SPATA6: variants seen among roughly 807,000 people sequenced by gnomAD.
SPATA6 encodes spermatogenesis-associated protein 6.
Under a neutral mutation model 65.3 loss-of-function variants are expected in SPATA6, and 56 were observed. The observed-to-expected ratio is 0.86, with a 90% confidence interval of 0.69 to 1.07. SPATA6 has a LOEUF of 1.07. SPATA6 is among the 50% of genes least tolerant of loss of function. The pLI is 0.00. For missense variants in SPATA6, 590 were observed against 594.8 expected, an observed-to-expected ratio of 0.99 and a Z score of 0.08; for synonymous variants, 199 against 213.2, an observed-to-expected ratio of 0.93 and a Z score of 0.58.
chr1:48,450,995 T>C (rs1553174696), intron 3 of SPATA6, among the ~76,000 whole-genome samples: 3 of 152,216 alleles, frequency 2.0e-5, no homozygotes, highest in Non-Finnish European at 2.9e-5. Flanking sequence ...CACTTTTGCA[T>C]TGCTGCTCTC....
intron 11 of SPATA6, chr1:48,325,551 G>T (rs1377951031): frequency 8.6e-7 from 1 of 1,168,334 alleles, no homozygotes; most frequent in Non-Finnish European, 1.3e-6. Context: ...CTTCCTCTTT[G>T]GTCTTGGAAT....
intron 8 of SPATA6, among the ~76,000 whole-genome samples, chr1:48,389,986 C>A (rs1445602306): frequency 6.6e-6 from 1 of 152,018 alleles, no homozygotes; most frequent in Non-Finnish European, 1.5e-5. Flanking sequence ...CAGAAAATAA[C>A]AATATGGCAG....
chr1:48,289,429 CAG>C, the SPATA6 span, among the ~76,000 whole-genome samples: 5 of 152,308 alleles, frequency 3.3e-5, no homozygotes, highest in East Asian at 3.9e-4. Flanking sequence ...TTCTAAAACT[CAG>C]AGAGTCTCTT....
intron 3 of SPATA6, among the ~76,000 whole-genome samples, chr1:48,425,427 A>G (rs1653744727): frequency 6.6e-6 from 1 of 152,192 alleles, no homozygotes; most frequent in South Asian, 2.1e-4. Flanking sequence ...GGTTATATAC[A>G]AATGTCAATA....
the SPATA6 span, among the ~76,000 whole-genome samples, chr1:48,289,012 CAG>C: frequency 6.6e-6 from 1 of 152,220 alleles, no homozygotes; most frequent in African/African-American, 2.4e-5. Flanking sequence ...TCTCCCAGCA[CAG>C]AGTTTGAGAT....
chr1:48,353,254 A>G (rs1365422528), intron 11 of SPATA6, among the ~76,000 whole-genome samples: 1 of 152,016 alleles, frequency 6.6e-6, no homozygotes, highest in African/African-American at 2.4e-5. Flanking sequence ...TCATGTTCCA[A>G]TATTATTCAA....
intron 3 of SPATA6, among the ~76,000 whole-genome samples, chr1:48,439,808 T>G (rs1480199321): frequency 6.6e-6 from 1 of 152,150 alleles, no homozygotes; most frequent in Admixed American, 6.5e-5. Context: ...CCGCAAACCC[T>G]GAAAAAGCAG....
Position 48,396,505 on chromosome 1 carries a change from G to A in SPATA6, c.781-1151C>T, listed in dbSNP as rs970577266. On this transcript the variant is annotated intron_variant, in intron 7 of 12. Coordinates refer to ENST00000371847, the MANE Select transcript of SPATA6 (RefSeq NM_019073.4). ...CATTACTCATAATATCCAAAAGATG[G>A]AAGCAACCCAAGTGTCTATCAAGAG... Among the ~76,000 whole-genome samples the A allele has an allele frequency of 8.6e-5, 13 of 151,510 alleles. 1 individual carries two copies. The highest frequency in any genetic ancestry group is 3.3e-4 in the Admixed American group (5 of 15,172).
At chr1:48,351,783 T>C (rs775602743) in intron 11 of SPATA6, among the ~76,000 whole-genome samples, 1 of 152,054 alleles carries the variant, frequency 6.6e-6, no homozygotes, top group Non-Finnish European at 1.5e-5. Context: ...ACAGTAAATA[T>C]TGACTTCATA....
chr1:48,302,083 T>C (rs1406027582), intron 12 of SPATA6, among the ~76,000 whole-genome samples: 1 of 152,218 alleles, frequency 6.6e-6, no homozygotes, highest in African/African-American at 2.4e-5. Flanking sequence ...TTAGATCTAG[T>C]TGAGATTGCA....
chr1:48,349,159 A>G (rs1379056252), intron 11 of SPATA6, among the ~76,000 whole-genome samples: 6 of 152,128 alleles, frequency 3.9e-5, no homozygotes, highest in Admixed American at 6.6e-5. Context: ...TTAGTGCACA[A>G]TGATAAAATT....
chr1:48,292,405 C>T (rs911036180), downstream of SPATA6, among the ~76,000 whole-genome samples: 2 of 152,156 alleles, frequency 1.3e-5, no homozygotes, highest in Admixed American at 1.3e-4. Context: ...TTTTGTGGTG[C>T]CCATGAGGGC....
chr1:48,342,253 C>G (rs1646239392), intron 11 of SPATA6, among the ~76,000 whole-genome samples: 1 of 152,000 alleles, frequency 6.6e-6, no homozygotes, highest in Non-Finnish European at 1.5e-5. Context: ...TAAAAAATAG[C>G]TAGAATTTGC....
At chr1:48,342,199 G>A (rs868691300) in intron 11 of SPATA6, among the ~76,000 whole-genome samples, 1 of 152,084 alleles carries the variant, frequency 6.6e-6, no homozygotes, top group African/African-American at 2.4e-5. Flanking sequence ...TGGGTAACAT[G>A]TATACAAATG....
intron 11 of SPATA6, among the ~76,000 whole-genome samples, chr1:48,306,860 T>C (rs1449736354): frequency 1.3e-5 from 2 of 151,878 alleles, no homozygotes; most frequent in South Asian, 2.1e-4. Context: ...ATTGTTATAG[T>C]TTCTCGGTTT....
At chr1:48,361,204 C>G (rs1646802816) in intron 9 of SPATA6, among the ~76,000 whole-genome samples, 1 of 151,974 alleles carries the variant, frequency 6.6e-6, no homozygotes, top group African/African-American at 2.4e-5. Context: ...AGAATTAGCC[C>G]TGGGAATACT....
At position 48,471,941 on chromosome 1, in the gene SPATA6, G is replaced by A; in HGVS notation, c.51+17C>T. 6.2e-7 allele frequency: 1 copy of A among 1,609,952 alleles called. No individual in the cohort carries two copies. Among genetic ancestry groups the A allele is most frequent in the Non-Finnish European group, 8.5e-7 (1 of 1,179,344 alleles). The stretch of plus-strand genomic sequence containing the variant: ...CTGAGCCAATGCCCGGGGGTGGGAG[G>A]CGCTACCGGTACTCACTGAGCTGAT... On this transcript the variant is annotated intron_variant, in intron 1 of 12. Transcript: ENST00000371847.
intron 9 of SPATA6, among the ~76,000 whole-genome samples, chr1:48,368,554 A>T (rs1025658775): frequency 6.6e-6 from 1 of 152,152 alleles, no homozygotes; most frequent in Admixed American, 6.5e-5. Flanking sequence ...TTCATCTTCC[A>T]TCACTGATAC....
chr1:48,291,387 G>A (rs1038975418), downstream of SPATA6, among the ~76,000 whole-genome samples: 24 of 152,228 alleles, frequency 1.6e-4, no homozygotes, highest in Admixed American at 1.2e-3. Flanking sequence ...GACTCTCCTC[G>A]GGCTGGGCTT....
Sources: gnomAD v4.1 joint callset for allele counts (sites outside exome capture counted in the v4.1 genomes callset) on GRCh38, gnomAD v4.1.1 for gene constraint, MANE v1.5 for transcripts, NCBI Gene and HGNC (gene_info 2026-07-23, HGNC 2026-07-21) for gene names.